The following FAR2 variants were observed in gnomAD, a reference collection of about 807,000 sequenced individuals.
FAR2 encodes epididymis secretory protein Li 81.
FAR2 carries 19 observed loss-of-function variants against 56.0 expected under a neutral mutation model. That is an observed-to-expected ratio of 0.34 (90% confidence interval 0.24 to 0.50). The LOEUF (loss-of-function observed/expected upper bound fraction) is 0.50, where lower values mean the gene tolerates loss of function less well. Ranked by LOEUF, FAR2 falls within the 20% of genes least tolerant of loss-of-function variation. FAR2 has a pLI of 0.98. For missense variants in FAR2, 508 were observed against 642.2 expected, an observed-to-expected ratio of 0.79 and a Z score of 2.26; for synonymous variants, 219 against 218.8, an observed-to-expected ratio of 1.00 and a Z score of -0.01.
chr12:29,179,178 G>C (rs1170632297), intron 1 of FAR2, among the ~76,000 whole-genome samples: 1 of 152,200 alleles, frequency 6.6e-6, no homozygotes, highest in African/African-American at 2.4e-5. Flanking sequence ...GTCACATTCT[G>C]AGGTTATCAA....
At chr12:29,308,445 T>A (rs1949289531) in intron 5 of FAR2, among the ~76,000 whole-genome samples, 1 of 152,062 alleles carries the variant, frequency 6.6e-6, no homozygotes, top group African/African-American at 2.4e-5. Flanking sequence ...AGACAATGTA[T>A]GAGGAGTGGT....
chr12:29,219,080 G>A (rs889785801), intron 1 of FAR2, among the ~76,000 whole-genome samples: 3 of 151,906 alleles, frequency 2.0e-5, no homozygotes, highest in Admixed American at 2.0e-4. Flanking sequence ...GTACAGACAG[G>A]GTTTTACCAT....
At chr12:29,246,310 A>G (rs1948127454) in intron 1 of FAR2, among the ~76,000 whole-genome samples, 1 of 152,192 alleles carries the variant, frequency 6.6e-6, no homozygotes, top group Non-Finnish European at 1.5e-5. Context: ...GAGAAAAAAA[A>G]AGATCAAGTT....
At chr12:29,306,924 A>C (rs1949261313) in intron 4 of FAR2, among the ~76,000 whole-genome samples, 1 of 152,246 alleles carries the variant, frequency 6.6e-6, no homozygotes, top group South Asian at 2.1e-4. Flanking sequence ...ATAGACTCTA[A>C]ACAGACCTTC....
At chr12:29,270,145 A>G (rs940921872) in intron 1 of FAR2, among the ~76,000 whole-genome samples, 1 of 152,210 alleles carries the variant, frequency 6.6e-6, no homozygotes, top group Non-Finnish European at 1.5e-5. Flanking sequence ...TGCCTCCTCC[A>G]TTAGACTGCA....
intron 1 of FAR2, among the ~76,000 whole-genome samples, chr12:29,256,792 T>C (rs1948325408): frequency 6.6e-6 from 1 of 152,206 alleles, no homozygotes; most frequent in Non-Finnish European, 1.5e-5. Context: ...CCAGGCCAGC[T>C]GCCGAGGAGG....
At chr12:29,223,214 A>G (rs1157934549) in intron 1 of FAR2, among the ~76,000 whole-genome samples, 3 of 152,148 alleles carry the variant, frequency 2.0e-5, no homozygotes, top group African/African-American at 4.8e-5. Flanking sequence ...TTACTCAATT[A>G]TAATATGTCA....
At position 29,166,265 on chromosome 12, in the gene FAR2, G is replaced by A. The variant is rs1443192910; in HGVS notation, c.-39+16858G>A. ...AAGGTCTTTTGTGTGTGTGTGTACA[G>A]ACTTTAATATCTATATCTATACATA... On this transcript the variant is annotated intron_variant, in intron 1 of 11. Coordinates refer to ENST00000536681, the MANE Select transcript of FAR2 (RefSeq NM_001271783.2). 2.0e-5 allele frequency among the ~76,000 whole-genome samples: 3 copies of A among 152,172 alleles called. No homozygotes were observed. The South Asian group carries it at 6.2e-4, about 31-fold the overall frequency.
At chr12:29,205,390 G>A (rs1318725374) in intron 1 of FAR2, among the ~76,000 whole-genome samples, 2 of 152,144 alleles carry the variant, frequency 1.3e-5, no homozygotes, top group Non-Finnish European at 2.9e-5. Flanking sequence ...ACCAAAATTT[G>A]TTCTCTTACC....
intron 1 of FAR2, among the ~76,000 whole-genome samples, chr12:29,203,425 ACATGATAGAAT>A (rs1565469541): frequency 6.6e-6 from 1 of 152,208 alleles, no homozygotes; most frequent in Non-Finnish European, 1.5e-5. Context: ...TTTTTGGTAC[ACATGATAGAAT>A]CATCCAAGAT....
chr12:29,221,701 A>G (rs997139755), intron 1 of FAR2, among the ~76,000 whole-genome samples: 1 of 152,180 alleles, frequency 6.6e-6, no homozygotes, highest in Non-Finnish European at 1.5e-5. Flanking sequence ...ATGATGCTAT[A>G]TACGTAAGAA....
chr12:29,315,148 C>T (rs1362594044), intron 8 of FAR2, among the ~76,000 whole-genome samples: 1 of 152,040 alleles, frequency 6.6e-6, no homozygotes, highest in Non-Finnish European at 1.5e-5. Context: ...TATGTGATGG[C>T]CAAGGAAAGT....
Position 29,315,933 on chromosome 12 carries a change from G to C in FAR2, c.956-908G>C, listed in dbSNP as rs573407668. Among the ~76,000 whole-genome samples, 28 of 152,192 alleles carry C rather than the reference G, an allele frequency of 1.8e-4. No individual in the cohort carries two copies. The East Asian group carries it at 4.3e-3, about 23-fold the overall frequency. On this transcript the variant is annotated intron_variant, in intron 8 of 11. Transcript: ENST00000536681. ...ATATACATCAGAATGTCAGTGTTGA[G>C]ATCAGAATCTCTTACGCTATCAGAA...
At chr12:29,326,261 T>C (rs1949644054) in intron 10 of FAR2, among the ~76,000 whole-genome samples, 1 of 152,174 alleles carries the variant, frequency 6.6e-6, no homozygotes. Flanking sequence ...CAATAATTAA[T>C]AGCTTACCAA....
intron 1 of FAR2, among the ~76,000 whole-genome samples, chr12:29,202,334 G>T (rs1266329369): frequency 1.3e-5 from 2 of 152,122 alleles, no homozygotes. Context: ...GATCATTGGG[G>T]TATACCCAGA....
intron 1 of FAR2, among the ~76,000 whole-genome samples, chr12:29,188,042 A>G (rs1950060915): frequency 6.6e-6 from 1 of 152,206 alleles, no homozygotes; most frequent in Non-Finnish European, 1.5e-5. Context: ...TAGACTGCTC[A>G]TCCCATCTCC....
chr12:29,284,507 T>G (rs748077730), intron 2 of FAR2, among the ~76,000 whole-genome samples: 7 of 152,188 alleles, frequency 4.6e-5, no homozygotes, highest in Non-Finnish European at 8.8e-5. Flanking sequence ...AAACCCTCAG[T>G]TGCCCCTGAG....
At chr12:29,299,646 A>C (rs1949128414) in intron 4 of FAR2, among the ~76,000 whole-genome samples, 1 of 152,220 alleles carries the variant, frequency 6.6e-6, no homozygotes, top group South Asian at 2.1e-4. Flanking sequence ...AACAGGGAAA[A>C]GTCATACTTA....
At chr12:29,293,668 G>A (rs1949009714) in intron 3 of FAR2, 193 bp downstream of exon 3, 6 of 416,274 alleles carry the variant, frequency 1.4e-5, no homozygotes, top group Non-Finnish European at 2.4e-5. Context: ...TTTTCTTTAT[G>A]TATCTATGAT....
Sources: allele counts gnomAD v4.1 joint callset (sites outside exome capture counted in the v4.1 genomes callset), GRCh38; gene constraint gnomAD v4.1.1; transcripts MANE v1.5; gene names NCBI Gene and HGNC (gene_info 2026-07-23, HGNC 2026-07-21).